Variants in MLIP observed in about 807,000 individuals in gnomAD.
The protein encoded by MLIP is muscular LMNA-interacting protein.
In MLIP, 79 loss-of-function variants were observed where a neutral mutation model predicts 84.8. The ratio of observed to expected loss-of-function variants is 0.93; its 90% CI spans 0.78 to 1.12. MLIP has a LOEUF of 1.12. Ranked by LOEUF, MLIP falls within the 50% of genes most tolerant of loss-of-function variation. The pLI is 0.00. For missense variants in MLIP, 1,257 were observed against 1,160.6 expected (o/e 1.08, Z -1.21); for synonymous variants, 504 against 463.0 (o/e 1.09, Z -1.14).
intron 1 of MLIP, among the ~76,000 whole-genome samples, chr6:54,036,283 C>G (rs1404447359): frequency 6.8e-6 from 1 of 147,240 alleles, no homozygotes; most frequent in Non-Finnish European, 1.5e-5. Context: ...TCATAAGCAA[C>G]TTCAGCAAAG....
At chr6:54,108,144 T>C (rs1373242370), upstream of MLIP, among the ~76,000 whole-genome samples, 2 of 152,170 alleles carry the variant, frequency 1.3e-5, no homozygotes, top group African/African-American at 4.8e-5. Flanking sequence ...TTAAAGAGAA[T>C]TTTGGATTGT....
At chr6:54,099,200 T>G (rs1768453864) in intron 1 of MLIP, among the ~76,000 whole-genome samples, 1 of 152,006 alleles carries the variant, frequency 6.6e-6, no homozygotes, top group African/African-American at 2.4e-5. Context: ...TATTATTATT[T>G]AAAAAATAAT....
intron 9 of MLIP, among the ~76,000 whole-genome samples, chr6:54,170,154 C>G (rs1775629177): frequency 6.6e-6 from 1 of 151,620 alleles, no homozygotes; most frequent in African/African-American, 2.4e-5. Context: ...TGTTCACTCA[C>G]CTAATAATTG....
intron 1 of MLIP, among the ~76,000 whole-genome samples, chr6:54,060,525 G>A (rs896122903): frequency 2.6e-5 from 4 of 152,184 alleles, no homozygotes; most frequent in African/African-American, 9.6e-5. Context: ...GTTGAGGTCA[G>A]AGTTGTAAGA....
At position 54,213,734 on chromosome 6, in the gene MLIP, A is replaced by AAAACC. The variant is rs368508685; in HGVS notation, c.2718+11503_2718+11504insACCAA. On this transcript the variant is annotated intron_variant, in intron 11 of 13. Coordinates refer to ENST00000502396, the MANE Select transcript of MLIP (RefSeq NM_001281747.2). ...AAAAAAAAAAAAAAAAAAAAAAAAA[A>AAAACC]AACAACAAACAGCATATCTTGTATG... Among the ~76,000 whole-genome samples the AAAACC allele has an allele frequency of 3.6e-3, 300 of 82,352 alleles. 57 individuals are homozygous for AAAACC. The highest frequency in any genetic ancestry group is 0.01 in the African/African-American group (230 of 22,292). 54.0% of individuals were successfully genotyped at this position (82,352 alleles called of 152,430 possible).
intron 1 of MLIP, chr6:54,083,638 G>T: frequency 6.5e-7 from 1 of 1,535,516 alleles, no homozygotes; most frequent in Non-Finnish European, 8.7e-7. Flanking sequence ...GACATTATTA[G>T]TACAATTCCT....
At chr6:54,154,923 C>T (rs936386005) in intron 5 of MLIP, among the ~76,000 whole-genome samples, 2 of 152,068 alleles carry the variant, frequency 1.3e-5, no homozygotes, top group African/African-American at 4.8e-5. Context: ...ACCCTTCTGA[C>T]ATCCTTAATT....
At chr6:54,204,151 AG>A (rs1289706676) in intron 11 of MLIP, among the ~76,000 whole-genome samples, 1 of 152,144 alleles carries the variant, frequency 6.6e-6, no homozygotes, top group African/African-American at 2.4e-5. Flanking sequence ...TTTTTTTAGA[AG>A]GCATTGATAT....
intron 11 of MLIP, among the ~76,000 whole-genome samples, chr6:54,221,203 G>C (rs1301445144): frequency 6.6e-6 from 1 of 152,084 alleles, no homozygotes; most frequent in South Asian, 2.1e-4. Flanking sequence ...TATTTTAGAA[G>C]TAGAGGCTAA....
At chr6:54,028,553 A>C (rs1763948897) in intron 1 of MLIP, among the ~76,000 whole-genome samples, 1 of 152,244 alleles carries the variant, frequency 6.6e-6, no homozygotes, top group Non-Finnish European at 1.5e-5. Context: ...AAGGAAATAT[A>C]TGGGAAATAA....
At chr6:54,106,019 C>A (rs138213319) in intron 1 of MLIP, among the ~76,000 whole-genome samples, 2 of 152,186 alleles carry the variant, frequency 1.3e-5, no homozygotes, top group East Asian at 3.9e-4. Flanking sequence ...GGAAGATATG[C>A]AGATTGGGTT....
At chr6:54,126,435 T>A (rs1396163470) in intron 3 of MLIP, among the ~76,000 whole-genome samples, 3 of 152,072 alleles carry the variant, frequency 2.0e-5, no homozygotes, top group Non-Finnish European at 2.9e-5. Context: ...TTCATGTTAT[T>A]AGAGCTCTAA....
chr6:54,127,101 C>A (rs1418846185), intron 3 of MLIP, among the ~76,000 whole-genome samples: 1 of 152,088 alleles, frequency 6.6e-6, no homozygotes, highest in Non-Finnish European at 1.5e-5. Context: ...CCATTTTGAC[C>A]TAGGCTACTT....
intron 1 of MLIP, among the ~76,000 whole-genome samples, chr6:54,083,059 T>G (rs1301438623): frequency 3.9e-5 from 6 of 152,146 alleles, no homozygotes; most frequent in Admixed American, 3.9e-4. Flanking sequence ...TCCTGGCATA[T>G]CCACCAAAAC....
chr6:54,196,607 C>T (rs1334195379), intron 10 of MLIP, among the ~76,000 whole-genome samples: 2 of 151,980 alleles, frequency 1.3e-5, no homozygotes, highest in Non-Finnish European at 1.5e-5. Flanking sequence ...TGGGTTGATT[C>T]CATGTCTTTG....
intron 8 of MLIP, among the ~76,000 whole-genome samples, chr6:54,162,753 G>A (rs576524911): frequency 6.6e-6 from 1 of 152,100 alleles, no homozygotes; most frequent in Admixed American, 6.6e-5. Flanking sequence ...AGACAAGGAT[G>A]AGTTTGAAGT....
intron 3 of MLIP, among the ~76,000 whole-genome samples, chr6:54,130,312 GACTTGTTGATGTCAGAACTTAAGA>G (rs1199704742): frequency 6.6e-6 from 1 of 152,120 alleles, no homozygotes; most frequent in Admixed American, 6.6e-5. Flanking sequence ...AGAGTCTCCT[GACTTGTTGATGTCAGAACTTAAGA>G]ACTTGTTGAT....
intron 10 of MLIP, among the ~76,000 whole-genome samples, chr6:54,191,274 A>G (rs762233614): frequency 5.9e-5 from 9 of 152,200 alleles, no homozygotes; most frequent in Non-Finnish European, 1.3e-4. Context: ...TCATCTTGTC[A>G]TTATTATCCC....
chr6:54,121,378 C>A lies in MLIP; in HGVS notation c.97-69C>A, dbSNP rs756641503. On this transcript the variant is annotated intron_variant, in intron 1 of 13. Coordinates refer to ENST00000502396, the MANE Select transcript of MLIP (RefSeq NM_001281747.2). Reference sequence around the variant, plus strand: ...AAAATAAATGAGATAAATATCATGTCATATGGAGAATAAAGGCAAGATAAA... The same window carrying A: ...AAAATAAATGAGATAAATATCATGTAATATGGAGAATAAAGGCAAGATAAA... The A allele has an allele frequency of 3.9e-4, 575 of 1,487,578 alleles. 2 individuals carry two copies. The highest frequency in any genetic ancestry group is 4.0e-4 in the Non-Finnish European group (427 of 1,073,596). The allele number at this position is 1,487,578 out of a possible 1,614,324, so 92.1% of individuals were successfully genotyped here.
Sources: gnomAD v4.1 joint callset for allele counts (sites outside exome capture counted in the v4.1 genomes callset) on GRCh38, gnomAD v4.1.1 for gene constraint, MANE v1.5 for transcripts, NCBI Gene and HGNC (gene_info 2026-07-23, HGNC 2026-07-21) for gene names.